Variants in MYO18B observed in about 807,000 individuals in gnomAD.
The protein encoded by MYO18B is unconventional myosin-XVIIIb.
A neutral mutation model predicts 273.0 loss-of-function variants in MYO18B; 204 were observed. The ratio of observed to expected loss-of-function variants is 0.75; its 90% CI spans 0.67 to 0.84. The LOEUF (loss-of-function observed/expected upper bound fraction) is 0.84. Ranked by LOEUF, MYO18B falls within the 40% of genes least tolerant of loss-of-function variation. The pLI is 0.00. For missense variants in MYO18B, 3,212 were observed against 3,287.6 expected (o/e 0.98, Z 0.56); for synonymous variants, 1,330 against 1,305.7 (o/e 1.02, Z -0.40).
intron 35 of MYO18B, among the ~76,000 whole-genome samples, chr22:25,946,542 A>G (rs1457049230): frequency 2.0e-5 from 3 of 152,198 alleles, no homozygotes; most frequent in Non-Finnish European, 4.4e-5. Flanking sequence ...GCGAGGCTCA[A>G]CTGTGTGTTC....
chr22:25,916,451 CTTTAAGATAATACA>C lies in MYO18B; in HGVS notation c.5365-4787_5365-4774del, dbSNP rs555659506. On this transcript the variant is annotated intron_variant, in intron 33 of 43. Transcript: ENST00000335473. The stretch of plus-strand genomic sequence containing the variant: ...TTTTTTATCCCACTTAAACTGTTTT[CTTTAAGATAATACA>C]TTTAAGATAATACATTTACCTGGAA... 5.7e-4 allele frequency among the ~76,000 whole-genome samples: 87 copies of C among 152,174 alleles called. No individual in the cohort carries two copies. In the South Asian group the frequency reaches 0.018, roughly 31 times the overall value.
chr22:25,948,018 G>A (rs1319853582), intron 36 of MYO18B, among the ~76,000 whole-genome samples, 190 bp downstream of exon 36: 2 of 152,148 alleles, frequency 1.3e-5, no homozygotes, highest in African/African-American at 4.8e-5. Flanking sequence ...CAGATGGTGT[G>A]TGCATCTCTG....
At chr22:26,018,602 G>A (rs1028230010) in intron 42 of MYO18B, among the ~76,000 whole-genome samples, 85 of 152,282 alleles carry the variant, frequency 5.6e-4, no homozygotes, top group African/African-American at 1.9e-3. Context: ...TTGAGCCATC[G>A]CCGCCATTGA....
In MYO18B at chr22:25,974,842, G is replaced by A. The variant is rs143737545; in HGVS notation, c.6157-17521G>A. Among the ~76,000 whole-genome samples the A allele has an allele frequency of 2.8e-3, 429 of 152,278 alleles. 2 individuals are homozygous for A. The highest frequency in any genetic ancestry group is 9.8e-3 in the African/African-American group (408 of 41,552). On this transcript the variant is annotated intron_variant, in intron 39 of 43. Transcript: ENST00000335473. ...GCCATTTTAAGCACAGTTTTGATTG[G>A]TTCAGTCCACTGTCTGTCCCAGGGC... is the stretch of plus-strand genomic sequence containing the variant.
chr22:25,939,284 C>T (rs1436866978), intron 34 of MYO18B, among the ~76,000 whole-genome samples: 1 of 152,200 alleles, frequency 6.6e-6, no homozygotes, highest in Non-Finnish European at 1.5e-5. Context: ...GAGGCTAGGA[C>T]TGCCTTCAGG....
intron 21 of MYO18B, among the ~76,000 whole-genome samples, chr22:25,861,060 G>GA (rs1233510941): frequency 1.3e-5 from 2 of 151,876 alleles, no homozygotes; most frequent in Non-Finnish European, 2.9e-5. Context: ...GGCTGATTTT[G>GA]TTTTTTAGAG....
chr22:26,023,055 G>T (rs138204468), intron 42 of MYO18B, among the ~76,000 whole-genome samples: 30 of 152,284 alleles, frequency 2.0e-4, no homozygotes, highest in African/African-American at 6.7e-4. Context: ...CTTAGTTGCC[G>T]GCCTGAAAGG....
Position 26,027,503 on chromosome 22 carries a change from C to T in MYO18B, c.7529C>T (p.Ser2510Leu). ...CCCGCTCACCTGTCTGACTCGTCCT[C>T]ATCCTCCGGCTCCATCGTGTCCTTC... ...EDPAHLSDSS[S>L]SSGSIVSFKS... The change falls in exon 43 of 44, where the codon TCA becomes TTA. Residue 2510 changes from serine to leucine, a missense_variant. Physicochemically the swap from Ser to Leu is moderately radical, Grantham distance 145. Coordinates refer to ENST00000335473, the MANE Select transcript of MYO18B (RefSeq NM_032608.7). The surrounding 1 kb of genome is among the most constrained non-coding windows in gnomAD (Gnocchi z 4.1). 6.2e-7 allele frequency: 1 copy of T among 1,614,024 alleles called. No individual in the cohort carries two copies. The highest frequency in any genetic ancestry group is 1.3e-5 in the African/African-American group (1 of 75,058).
chr22:25,844,305 G>A (rs1402057539), intron 18 of MYO18B, among the ~76,000 whole-genome samples: 2 of 152,368 alleles, frequency 1.3e-5, no homozygotes, highest in East Asian at 3.9e-4. Flanking sequence ...TCAGCCCAGA[G>A]TGCTGGCGTG....
At chr22:25,849,898 T>A (rs2090373226) in intron 20 of MYO18B, among the ~76,000 whole-genome samples, 1 of 152,248 alleles carries the variant, frequency 6.6e-6, no homozygotes, top group South Asian at 2.1e-4. Context: ...CATTTAATCC[T>A]CATAGTGACC....
chr22:25,858,140 G>A (rs575317421), intron 21 of MYO18B, among the ~76,000 whole-genome samples: 62 of 152,340 alleles, frequency 4.1e-4, no homozygotes, highest in African/African-American at 1.4e-3. Context: ...GAATGATTTG[G>A]CCACTTGTGT....
intron 39 of MYO18B, among the ~76,000 whole-genome samples, chr22:25,984,092 C>T (rs6004867): frequency 0.056 from 8,578 of 152,256 alleles, 279 homozygotes; most frequent in Middle Eastern, 0.082. Flanking sequence ...GGACCAAGTA[C>T]GTGCTACCAA....
chr22:25,896,152 G>A (rs938323797), intron 28 of MYO18B: 29 of 152,106 alleles, frequency 1.9e-4, no homozygotes, highest in African/African-American at 5.8e-4. Flanking sequence ...GATGTTTTGC[G>A]GCATGTAAAA....
intron 35 of MYO18B, 125 bp downstream of exon 35, chr22:25,946,375 A>G: frequency 1.7e-6 from 1 of 589,112 alleles, no homozygotes; most frequent in East Asian, 3.2e-5. Context: ...CCTACCAGGT[A>G]GCACCTTGGA....
chr22:25,882,306 C>T (rs146438281), intron 25 of MYO18B, among the ~76,000 whole-genome samples: 13 of 150,476 alleles, frequency 8.6e-5, no homozygotes, highest in East Asian at 3.9e-4. Flanking sequence ...TTCCTAGCAG[C>T]GAAAGCTAAG....
chr22:25,889,173 A>T (rs539890290), intron 25 of MYO18B, among the ~76,000 whole-genome samples: 2 of 142,462 alleles, frequency 1.4e-5, no homozygotes, highest in East Asian at 4.4e-4. Flanking sequence ...TATCTTGGGG[A>T]TATATTTTTT....
intron 34 of MYO18B, among the ~76,000 whole-genome samples, chr22:25,939,167 A>C (rs1296640403): frequency 6.6e-6 from 1 of 152,170 alleles, no homozygotes; most frequent in African/African-American, 2.4e-5. Flanking sequence ...TGTATGCATT[A>C]CCTCCTTTAA....
intron 12 of MYO18B, among the ~76,000 whole-genome samples, chr22:25,822,338 A>G (rs6004778): frequency 0.046 from 7,005 of 152,254 alleles, 384 homozygotes; most frequent in East Asian, 0.2. Flanking sequence ...ATAGACACCA[A>G]ACAACTCCTT....
At chr22:25,955,157 C>T (rs2092834447) in intron 38 of MYO18B, 22 bp from the exon 39 acceptor site, 9 of 1,568,220 alleles carry the variant, frequency 5.7e-6, no homozygotes, top group Non-Finnish European at 7.8e-6. Context: ...CCAAGGTGGG[C>T]ATGTGTCTCT....
Sources: gnomAD v4.1 joint callset for allele counts (sites outside exome capture counted in the v4.1 genomes callset) on GRCh38, gnomAD v4.1.1 for gene constraint, Gnocchi (gnomAD v3.1) non-coding constraint, MANE v1.5 for transcripts, NCBI Gene and HGNC (gene_info 2026-07-23, HGNC 2026-07-21) for gene names.